Variants in CPHXL observed in about 807,000 individuals in gnomAD.
CPHXL encodes cytoplasmic polyadenylated homeobox-like protein.
At chr16:75,719,421 C>A (rs1453737136) in intron 1 of CPHXL, among the ~76,000 whole-genome samples, 1 of 152,134 alleles carries the variant, frequency 6.6e-6, no homozygotes, top group East Asian at 1.9e-4. Context: ...TGCGCTTTTC[C>A]AATGGTCTTA....
At chr16:75,720,304 C>T (rs916383178) in intron 1 of CPHXL, among the ~76,000 whole-genome samples, 15 of 152,018 alleles carry the variant, frequency 9.9e-5, no homozygotes, top group East Asian at 1.9e-4. Context: ...CAAACTACTC[C>T]GAGCTAAAGG....
chr16:75,716,127 AAAC>A (rs1009843518), intron 2 of CPHXL, among the ~76,000 whole-genome samples: 1 of 152,156 alleles, frequency 6.6e-6, no homozygotes, highest in African/African-American at 2.4e-5. Flanking sequence ...GGAAAAAAAA[AAAC>A]ATTTTTCCTC....
chr16:75,718,264 C>T lies in CPHXL; in HGVS notation c.219+1G>A, dbSNP rs1402692895. 5.0e-6 allele frequency: 2 copies of T among 398,478 alleles called. No homozygotes were observed. The highest frequency in any genetic ancestry group is 8.8e-6 in the Non-Finnish European group (2 of 226,122). 24.7% of individuals were successfully genotyped at this position (398,478 alleles called of 1,614,324 possible). ...ATATACATATGAGGTCTTGAACTTA[C>T]ATCTATCACATTTACCGGACAATCA... On this transcript the variant is annotated splice_donor_variant, in intron 2 of 2. Coordinates refer to ENST00000640559, the MANE Select transcript of CPHXL (RefSeq NM_001355613.1). LOFTEE classifies it high-confidence loss of function.
chr16:75,723,572 C>T (rs913310024), intron 1 of CPHXL, among the ~76,000 whole-genome samples: 7 of 152,062 alleles, frequency 4.6e-5, no homozygotes, highest in Non-Finnish European at 8.8e-5. Context: ...TCAAGGAGAA[C>T]TACAAACCAC....
chr16:75,720,172 C>A (rs555925299), intron 1 of CPHXL, among the ~76,000 whole-genome samples: 2 of 152,052 alleles, frequency 1.3e-5, no homozygotes, highest in Admixed American at 6.5e-5. Flanking sequence ...ACAGAAAAAC[C>A]GGAAACTCTA....
chr16:75,723,002 C>T (rs1331249880), intron 1 of CPHXL, among the ~76,000 whole-genome samples: 5 of 152,096 alleles, frequency 3.3e-5, no homozygotes, highest in East Asian at 3.9e-4. Flanking sequence ...ACAAAAACCA[C>T]ATGATTATCT....
rs963646386 is a variant in CPHXL, at chr16:75,715,228, G to A, written c.220-6C>T. 4 of 398,684 alleles carry A rather than the reference G, an allele frequency of 1.0e-5. No homozygotes were observed. The highest frequency in any genetic ancestry group is 8.2e-5 in the African/African-American group (4 of 48,646). The allele number at this position is 398,684 out of a possible 1,614,324, so 24.7% of individuals were successfully genotyped here. ...CTTTTATTCTGGAACCAATTCTAGA[G>A]AGAAAAGATAATATTGTTTTATTGA... On this transcript the variant is annotated splice_region_variant and splice_polypyrimidine_tract_variant and intron_variant, in intron 2 of 2. Transcript: ENST00000640559.
chr16:75,714,166 C>T lies in CPHXL; in HGVS notation c.*58G>A. 2.5e-6 allele frequency: 1 copy of T among 398,724 alleles called. No individual in the cohort carries two copies. The highest frequency in any genetic ancestry group is 4.4e-6 in the Non-Finnish European group (1 of 226,298). 24.7% of individuals were successfully genotyped at this position (398,724 alleles called of 1,614,324 possible). ...GACTGTGTTTCTCTGACACTTAGCACTACTTTGCAGAGTTGCATCCTTGGT... is the reference window on the plus strand; with the variant it reads ...GACTGTGTTTCTCTGACACTTAGCATTACTTTGCAGAGTTGCATCCTTGGT... On this transcript the variant is annotated 3_prime_UTR_variant, in exon 3 of 3. Coordinates refer to ENST00000640559, the MANE Select transcript of CPHXL (RefSeq NM_001355613.1).
chr16:75,720,350 C>G (rs1959458034), intron 1 of CPHXL, among the ~76,000 whole-genome samples: 1 of 151,964 alleles, frequency 6.6e-6, no homozygotes, highest in Non-Finnish European at 1.5e-5. Context: ...AGTTAAAAAC[C>G]TTGAAAAAAA....
At chr16:75,724,874 C>G (rs570512110) in intron 1 of CPHXL, among the ~76,000 whole-genome samples, 1 of 152,140 alleles carries the variant, frequency 6.6e-6, no homozygotes. Flanking sequence ...TGGAACCAAG[C>G]CAAATGTCCA....
At chr16:75,718,481 G>A (rs914252649) in intron 1 of CPHXL, 23 bp from the exon 2 acceptor site, 22 of 398,370 alleles carry the variant, frequency 5.5e-5, no homozygotes, top group Non-Finnish European at 9.3e-5. Flanking sequence ...TAAGTAGCGA[G>A]AAGGGCATTA....
chr16:75,720,433 G>A (rs142045449), intron 1 of CPHXL, among the ~76,000 whole-genome samples: 5,672 of 152,192 alleles, frequency 0.037, 129 homozygotes, highest in South Asian at 0.052. Flanking sequence ...TGAAAACCAC[G>A]GCACGAGAAC....
chr16:75,725,753 C>CTTTT (rs35659823), intron 1 of CPHXL, among the ~76,000 whole-genome samples: 14 of 43,320 alleles, frequency 3.2e-4, no homozygotes, highest in East Asian at 1.7e-3. Flanking sequence ...TGCCCGGCGT[C>CTTTT]TTTTTTTTTT....
At chr16:75,723,393 T>C (rs1487016190) in intron 1 of CPHXL, among the ~76,000 whole-genome samples, 2 of 152,192 alleles carry the variant, frequency 1.3e-5, no homozygotes, top group Non-Finnish European at 2.9e-5. Flanking sequence ...GATAAGCAAC[T>C]TCAGCAAAGT....
chr16:75,720,192 G>C (rs1314329368), intron 1 of CPHXL, among the ~76,000 whole-genome samples: 1 of 152,204 alleles, frequency 6.6e-6, no homozygotes, highest in African/African-American at 2.4e-5. Context: ...AAAAATCAGA[G>C]TGCCTCTCCT....
Position 75,718,278 on chromosome 16 carries a change from A to C in CPHXL, c.206T>G (p.Val69Gly), listed in dbSNP as rs1959422390. The C allele has an allele frequency of 2.5e-6, 1 of 398,650 alleles. No homozygotes were observed. Among genetic ancestry groups the C allele is most frequent in the Non-Finnish European group, 4.4e-6 (1 of 226,202 alleles). 24.7% of individuals were successfully genotyped at this position (398,650 alleles called of 1,614,324 possible). Residue 69 changes from valine to glycine, a missense_variant, in exon 2 of 3, where the codon GTA becomes GGA. By Grantham distance (109) the Val-to-Gly change is moderately radical. Coordinates refer to ENST00000640559, the MANE Select transcript of CPHXL (RefSeq NM_001355613.1). ...TCTTGAACTTACATCTATCACATTT[A>C]CCGGACAATCAAATTTGATGGCCAG... ...KTLAIKFDCP[V>G]NVIDNWFQNK...
chr16:75,726,392 A>G (rs1228621069), intron 1 of CPHXL, 26 bp downstream of exon 1: 2 of 398,500 alleles, frequency 5.0e-6, no homozygotes, highest in Admixed American at 4.4e-5. Flanking sequence ...GTAGCATTGT[A>G]AGAGAAAAAG....
chr16:75,717,686 A>T lies in CPHXL; in HGVS notation c.219+579T>A, dbSNP rs188669314. Among the ~76,000 whole-genome samples, 69 of 152,278 alleles carry T rather than the reference A, an allele frequency of 4.5e-4. 1 individual carries two copies. The highest frequency in any genetic ancestry group is 8.8e-4 in the Non-Finnish European group (60 of 68,016). On this transcript the variant is annotated intron_variant, in intron 2 of 2. Coordinates refer to ENST00000640559, the MANE Select transcript of CPHXL (RefSeq NM_001355613.1). The stretch of plus-strand genomic sequence containing the variant: ...GGTCTCATTCTGTCACACAGGCTGG[A>T]ATGCAGTGGTATGATCAGGGCTGGA...
intron 2 of CPHXL, among the ~76,000 whole-genome samples, chr16:75,717,925 T>C (rs1347497739): frequency 6.6e-6 from 1 of 152,212 alleles, no homozygotes; most frequent in East Asian, 1.9e-4. Context: ...TATTGCCCTT[T>C]AATTTTATAT....
Sources: allele counts gnomAD v4.1 joint callset (sites outside exome capture counted in the v4.1 genomes callset), GRCh38; gene constraint gnomAD v4.1.1; transcripts MANE v1.5; gene names NCBI Gene and HGNC (gene_info 2026-07-23, HGNC 2026-07-21).